ATP11B: variants seen among roughly 807,000 people sequenced by gnomAD.
The protein encoded by ATP11B is phospholipid-transporting ATPase IF.
A neutral mutation model predicts 157.8 loss-of-function variants in ATP11B; 81 were observed. That is an observed-to-expected ratio of 0.51 (90% CI 0.43 to 0.62). ATP11B has a LOEUF of 0.62. Among genes scored for constraint, ATP11B ranks in the 20% least tolerant of loss-of-function variants. The pLI is 0.00. For synonymous variants in ATP11B, 451 were observed against 469.4 expected, an observed-to-expected ratio of 0.96 and a Z score of 0.51; for missense variants, 1,165 against 1,402.2, an observed-to-expected ratio of 0.83 and a Z score of 2.70.
At chr3:182,912,907 T>C (rs901779692) in intron 28 of ATP11B, among the ~76,000 whole-genome samples, 3 of 152,176 alleles carry the variant, frequency 2.0e-5, no homozygotes, top group African/African-American at 7.2e-5. Flanking sequence ...ATAAGGTGTT[T>C]TTTTTTTAAA....
intron 19 of ATP11B, among the ~76,000 whole-genome samples, chr3:182,876,157 C>T (rs1014083280): frequency 2.0e-5 from 3 of 152,072 alleles, no homozygotes; most frequent in African/African-American, 7.3e-5. Context: ...ACAAGAGGAT[C>T]ACTTGAGCCC....
chr3:182,800,877 C>G (rs1290111921), intron 1 of ATP11B, among the ~76,000 whole-genome samples: 1 of 146,700 alleles, frequency 6.8e-6, no homozygotes, highest in African/African-American at 2.6e-5. Flanking sequence ...GCCCCCCACC[C>G]CCCCCAGCCC....
At chr3:182,829,920 C>CAG (rs1402377839) in intron 4 of ATP11B, 168 bp downstream of exon 4, 1 of 984,878 alleles carries the variant, frequency 1.0e-6, no homozygotes, top group Non-Finnish European at 1.2e-6. Flanking sequence ...TGTTATATTT[C>CAG]AGGTACCTGG....
intron 28 of ATP11B, among the ~76,000 whole-genome samples, chr3:182,906,816 TGGTG>T (rs1240172128): frequency 6.8e-6 from 1 of 148,012 alleles, no homozygotes; most frequent in African/African-American, 2.5e-5. Flanking sequence ...AGGCCGGGCA[TGGTG>T]GCTCACGCCT....
chr3:182,889,649 A>C (rs1723044186), intron 25 of ATP11B, 101 bp downstream of exon 25: 1 of 1,072,836 alleles, frequency 9.3e-7, no homozygotes, highest in South Asian at 1.7e-5. Context: ...CAGAACTTCA[A>C]GTATTAAAAT....
chr3:182,846,295 C>T (rs375092672), intron 9 of ATP11B, among the ~76,000 whole-genome samples: 1 of 145,868 alleles, frequency 6.9e-6, no homozygotes, highest in African/African-American at 2.6e-5. Flanking sequence ...GTCCATATGT[C>T]GAGAAAAAAA....
chr3:182,795,930 G>C (rs1715569740), intron 1 of ATP11B, among the ~76,000 whole-genome samples: 1 of 152,156 alleles, frequency 6.6e-6, no homozygotes, highest in Non-Finnish European at 1.5e-5. Context: ...CAAATTTGGG[G>C]AAATTGACAA....
intron 29 of ATP11B, chr3:182,916,964 G>A: frequency 1.0e-6 from 1 of 981,030 alleles, no homozygotes; most frequent in Non-Finnish European, 1.2e-6. Context: ...AATACTGGGT[G>A]CCCAATATAT....
At chr3:182,914,249 C>A in intron 29 of ATP11B, 1 of 1,255,360 alleles carries the variant, frequency 8.0e-7, no homozygotes, top group South Asian at 2.1e-5. Flanking sequence ...GTTTCATAAT[C>A]TTTCTAAAAT....
At chr3:182,902,463 T>A in intron 28 of ATP11B, 1 of 1,282,240 alleles carries the variant, frequency 7.8e-7, no homozygotes, top group Non-Finnish European at 1.0e-6. Context: ...TGTCCATCCC[T>A]TTTCTGTCCA....
rs1416832777 is a variant in ATP11B, at chr3:182,806,193, A to G, written c.27+12407A>G. ...ACGTATTGGAGATACTACTTATTCCATTACTTTCTGACATTTATTATTGCT... is the reference window on the plus strand; with the variant it reads ...ACGTATTGGAGATACTACTTATTCCGTTACTTTCTGACATTTATTATTGCT... On this transcript the variant is annotated intron_variant, in intron 1 of 29. Transcript: ENST00000323116. 7.9e-5 allele frequency among the ~76,000 whole-genome samples: 12 copies of G among 152,180 alleles called. No individual in the cohort carries two copies. The South Asian group carries it at 2.3e-3, about 29-fold the overall frequency.
At chr3:182,895,061 C>T (rs1013391965) in intron 25 of ATP11B, among the ~76,000 whole-genome samples, 6 of 143,686 alleles carry the variant, frequency 4.2e-5, no homozygotes, top group South Asian at 4.4e-4. Flanking sequence ...TGCAGTGAGC[C>T]GAGATCATGC....
intron 28 of ATP11B, among the ~76,000 whole-genome samples, chr3:182,910,077 A>G (rs1446366034): frequency 1.3e-5 from 2 of 149,410 alleles, no homozygotes; most frequent in Admixed American, 6.7e-5. Context: ...CCTCCAGAAA[A>G]AAAAAAAAAA....
intron 1 of ATP11B, among the ~76,000 whole-genome samples, chr3:182,805,329 T>C (rs1716260676): frequency 6.6e-6 from 1 of 152,236 alleles, no homozygotes; most frequent in South Asian, 2.1e-4. Flanking sequence ...CTAGTGGGTA[T>C]GAATAGTATC....
Position 182,857,995 on chromosome 3 carries a change from C to A in ATP11B, c.969C>A (p.Asn323Lys). Reference protein sequence around the residue: ...AEEKWDEPWYNQKTEHQRNSS... With the variant: ...AEEKWDEPWYKQKTEHQRNSS... ...AAAAATGGGATGAACCTTGGTATAA[C>A]CAAAAAACAGAACATCAAAGAAATA... Residue 323 changes from asparagine to lysine, a missense_variant, in exon 11 of 30, where the codon AAC becomes AAA. Around this residue, in one of 4 missense-constraint regions of ATP11B, gnomAD observed 737 missense variants for 930.5 expected, o/e 0.79. Coordinates refer to ENST00000323116, the MANE Select transcript of ATP11B (RefSeq NM_014616.3). 6.2e-7 allele frequency: 1 copy of A among 1,610,408 alleles called. No homozygotes were observed. The highest frequency in any genetic ancestry group is 8.5e-7 in the Non-Finnish European group (1 of 1,177,564).
chr3:182,805,001 T>G (rs989366757), intron 1 of ATP11B, among the ~76,000 whole-genome samples: 13 of 152,224 alleles, frequency 8.5e-5, no homozygotes. Context: ...TTTATGGATA[T>G]ACCACATTTT....
chr3:182,839,202 A>G (rs560882588), intron 7 of ATP11B, among the ~76,000 whole-genome samples: 37 of 152,300 alleles, frequency 2.4e-4, no homozygotes, highest in Admixed American at 1.1e-3. Flanking sequence ...AATACTGCAT[A>G]TCCTTACTTA....
At chr3:182,916,693 A>G (rs912374686) in intron 29 of ATP11B, 2 of 983,128 alleles carry the variant, frequency 2.0e-6, no homozygotes, top group South Asian at 4.7e-5. Context: ...TATATTTAAC[A>G]TATGAATGCA....
chr3:182,889,644 C>T (rs1723043589), intron 25 of ATP11B, 96 bp downstream of exon 25: 3 of 1,090,920 alleles, frequency 2.7e-6, no homozygotes, highest in African/African-American at 1.7e-5. Flanking sequence ...AATTACAGAA[C>T]TTCAAGTATT....
Sources: allele counts gnomAD v4.1 joint callset (sites outside exome capture counted in the v4.1 genomes callset), GRCh38; gene constraint gnomAD v4.1.1; regional missense constraint gnomAD v4.1.1; transcripts MANE v1.5; gene names NCBI Gene and HGNC (gene_info 2026-07-23, HGNC 2026-07-21).